Variants in PDE10A observed in about 807,000 individuals in gnomAD.
PDE10A encodes cAMP and cAMP-inhibited cGMP 3',5'-cyclic phosphodiesterase 10A.
A neutral mutation model predicts 97.7 loss-of-function variants in PDE10A; 39 were observed. The ratio of observed to expected loss-of-function variants is 0.40; its 90% CI spans 0.31 to 0.52. PDE10A has a LOEUF of 0.52. Among genes scored for constraint, PDE10A ranks in the 20% least tolerant of loss-of-function variants. The probability of loss-of-function intolerance (pLI) is 0.56; values close to 1 mark genes in which losing one functional copy is unlikely to be tolerated. For synonymous variants in PDE10A, 371 were observed against 376.8 expected, an observed-to-expected ratio of 0.98 and a Z score of 0.18; for missense variants, 731 against 1,047.8, an observed-to-expected ratio of 0.70 and a Z score of 4.17.
chr6:165,824,624 G>T (rs1779671951), intron 1 of PDE10A, among the ~76,000 whole-genome samples: 2 of 152,278 alleles, frequency 1.3e-5, no homozygotes, highest in Admixed American at 1.3e-4. Context: ...TGTGTTTGCA[G>T]GTGACAACCT....
At chr6:165,798,240 G>T (rs913391556) in intron 1 of PDE10A, among the ~76,000 whole-genome samples, 5 of 152,148 alleles carry the variant, frequency 3.3e-5, no homozygotes, top group Non-Finnish European at 7.3e-5. Flanking sequence ...TATTCTGCCT[G>T]TTTGCTTTAA....
chr6:165,749,243 CATCACCATCATCACCATT>C (rs1792919804), intron 1 of PDE10A, among the ~76,000 whole-genome samples: 1 of 71,596 alleles, frequency 1.4e-5, no homozygotes, highest in Non-Finnish European at 3.6e-5. Context: ...ACCACCATCA[CATCACCATCATCACCATT>C]ACCACCATCA....
intron 1 of PDE10A, among the ~76,000 whole-genome samples, chr6:165,625,232 TG>T (rs535971601): frequency 1.3e-5 from 2 of 152,172 alleles, no homozygotes; most frequent in South Asian, 4.1e-4. Flanking sequence ...TCACTCCTGC[TG>T]CTGTGTGGAA....
At chr6:165,646,161 C>T (rs370942539) in intron 1 of PDE10A, among the ~76,000 whole-genome samples, 1 of 152,194 alleles carries the variant, frequency 6.6e-6, no homozygotes, top group Non-Finnish European at 1.5e-5. Context: ...GTCCCCACCC[C>T]GGAGTGCAAG....
chr6:165,632,187 G>C (rs978809668), intron 1 of PDE10A, among the ~76,000 whole-genome samples: 1 of 129,282 alleles, frequency 7.7e-6, no homozygotes, highest in Non-Finnish European at 1.6e-5. Context: ...GTGATAAGAG[G>C]GAGAGTCCAT....
At chr6:165,863,567 T>C (rs746561925) in intron 1 of PDE10A, among the ~76,000 whole-genome samples, 74 of 152,326 alleles carry the variant, frequency 4.9e-4, no homozygotes, top group Non-Finnish European at 1.0e-3. Flanking sequence ...CTTTCTCCCA[T>C]TTGTCCCATG....
chr6:165,855,298 G>A (rs1164166230), intron 1 of PDE10A, among the ~76,000 whole-genome samples: 1 of 90,294 alleles, frequency 1.1e-5, no homozygotes, highest in Non-Finnish European at 2.4e-5. Context: ...GGCGGCGCGG[G>A]AAGTGGCGGG....
rs1302145926 is a variant in PDE10A, at chr6:165,576,423, T to G, written c.866-32855A>C. On this transcript the variant is annotated intron_variant, in intron 1 of 21. Coordinates refer to ENST00000539869, the MANE Select transcript of PDE10A (RefSeq NM_001385079.1). ...TGTCCTCTACTCACCTGTTAAATGT[T>G]GGGATTTCCTCTCTTCTATCCTCAT... 3.8e-6 allele frequency: 3 copies of G among 780,840 alleles called. No individual in the cohort carries two copies. In the African/African-American group the frequency reaches 5.1e-5, roughly 13 times the overall value. The allele number at this position is 780,840 out of a possible 1,614,324, so 48.4% of individuals were successfully genotyped here.
intron 1 of PDE10A, among the ~76,000 whole-genome samples, chr6:165,929,371 A>G (rs565612993): frequency 9.2e-5 from 14 of 152,366 alleles, no homozygotes; most frequent in African/African-American, 2.2e-4. Flanking sequence ...TGAGAAAAGC[A>G]GAGTGGATAC....
intron 18 of PDE10A, among the ~76,000 whole-genome samples, chr6:165,366,278 G>T (rs1029658334): frequency 2.0e-5 from 3 of 152,142 alleles, no homozygotes; most frequent in Non-Finnish European, 4.4e-5. Flanking sequence ...TATGCAGTCA[G>T]ATCAGAAAGC....
intron 1 of PDE10A, among the ~76,000 whole-genome samples, chr6:165,619,220 T>G (rs1020413683): frequency 6.7e-6 from 1 of 149,604 alleles, no homozygotes; most frequent in Non-Finnish European, 1.5e-5. Context: ...CAGTGTAGAC[T>G]AGTGTAGTGT....
intron 1 of PDE10A, among the ~76,000 whole-genome samples, chr6:165,984,013 A>G (rs1785102955): frequency 6.6e-6 from 1 of 152,230 alleles, no homozygotes; most frequent in Admixed American, 6.5e-5. Flanking sequence ...CATGGTTTCC[A>G]TTTCCCAAAG....
At position 165,795,358 on chromosome 6, in the gene PDE10A, C is replaced by T. The variant is rs1251311178; in HGVS notation, c.-615+192171G>A. On this transcript the variant is annotated intron_variant, in intron 1 of 19. Coordinates refer to the PDE10A transcript ENST00000366882. ...ACTTTGCTGCTGAGACCCTCATCCA[C>T]CGTCGTGGTGCCCAGCGTGAGTGAC... Among the ~76,000 whole-genome samples, 4 of 152,318 alleles carry T rather than the reference C, an allele frequency of 2.6e-5. No individual in the cohort carries two copies. In the East Asian group the frequency reaches 7.7e-4, roughly 29 times the overall value.
At chr6:165,416,094 G>A in intron 12 of PDE10A, 95 bp downstream of exon 12, 1 of 786,452 alleles carries the variant, frequency 1.3e-6, no homozygotes. Context: ...GAACTGAATT[G>A]GGACGTGGAG....
intron 1 of PDE10A, among the ~76,000 whole-genome samples, chr6:165,911,984 A>AATATATATATATATAT (rs138188072): frequency 5.4e-5 from 8 of 148,008 alleles, no homozygotes; most frequent in African/African-American, 2.0e-4. Flanking sequence ...GGGAAGTCTA[A>AATATATATATATATAT]ATATATATAT....
intron 5 of PDE10A, among the ~76,000 whole-genome samples, chr6:165,445,102 C>T (rs146550913): frequency 9.2e-5 from 14 of 151,930 alleles, no homozygotes; most frequent in African/African-American, 2.4e-4. Flanking sequence ...GTGCAAAAGG[C>T]GAAATACAAA....
rs575716428 is a variant in PDE10A at position 165,501,288 on chromosome 6, G to T, written c.995-18945C>A. Among the ~76,000 whole-genome samples the T allele has an allele frequency of 4.1e-4, 63 of 152,270 alleles. 1 individual carries two copies. The highest frequency in any genetic ancestry group is 1.4e-3 in the African/African-American group (58 of 41,558). On this transcript the variant is annotated intron_variant, in intron 2 of 21. Coordinates refer to ENST00000539869, the MANE Select transcript of PDE10A (RefSeq NM_001385079.1). ...GTAAAAAGTTCTGAGGAGGCCAGGC[G>T]CAGTGGCTCACGCCTGTAATCCCAG...
chr6:165,714,735 C>T (rs1261513752), intron 1 of PDE10A, among the ~76,000 whole-genome samples: 1 of 152,234 alleles, frequency 6.6e-6, no homozygotes, highest in Non-Finnish European at 1.5e-5. Flanking sequence ...CCTAAAGAAA[C>T]AGGAGTCTGT....
chr6:165,876,635 A>G (rs1781352505), intron 1 of PDE10A, among the ~76,000 whole-genome samples: 1 of 152,194 alleles, frequency 6.6e-6, no homozygotes. Flanking sequence ...CAAAGTTACC[A>G]CTGCATGGAA....
Sources: allele counts gnomAD v4.1 joint callset (sites outside exome capture counted in the v4.1 genomes callset), GRCh38; gene constraint gnomAD v4.1.1; transcripts MANE v1.5; gene names NCBI Gene and HGNC (gene_info 2026-07-23, HGNC 2026-07-21).